CASZ1: variants seen among roughly 807,000 people sequenced by gnomAD.
The protein encoded by CASZ1 is castor zinc finger 1, also known as zinc finger protein castor homolog 1.
A neutral mutation model predicts 135.2 loss-of-function variants in CASZ1; 28 were observed. The observed-to-expected ratio is 0.21, with a 90% CI of 0.15 to 0.28. The LOEUF is 0.28. CASZ1 is among the 10% of genes least tolerant of loss of function. The pLI is 1.00. For missense variants in CASZ1, 2,161 were observed against 2,453.3 expected (o/e 0.88, Z 2.52); for synonymous variants, 1,068 against 1,073.4 (o/e 0.99, Z 0.10).
Position 10,717,965 on chromosome 1 carries a change from C to T in CASZ1, c.-76-12421G>A, listed in dbSNP as rs1254911938. Among the ~76,000 whole-genome samples, 6 of 152,248 alleles carry T rather than the reference C, an allele frequency of 3.9e-5. No individual in the cohort carries two copies. The highest frequency in any genetic ancestry group is 7.3e-5 in the Non-Finnish European group (5 of 68,046). On this transcript the variant is annotated intron_variant, in intron 2 of 20. Coordinates refer to ENST00000377022, the MANE Select transcript of CASZ1 (RefSeq NM_001079843.3). The surrounding 1 kb of genome is among the most constrained non-coding windows in gnomAD (Gnocchi z 4.6). ...TCAGCGACCAAAGCGGGTGCAGGGA[C>T]GGGCCGAGGGGGCTACGGAGGCCCA...
chr1:10,655,983 C>T (rs751431186), intron 8 of CASZ1, among the ~76,000 whole-genome samples, 170 bp from the exon 9 acceptor site: 13 of 152,284 alleles, frequency 8.5e-5, no homozygotes, highest in Middle Eastern at 6.8e-3. Context: ...GCACATCAGC[C>T]CTTGGAGGGA....
In CASZ1 at chr1:10,660,296, C is replaced by T; in HGVS notation, c.746G>A (p.Gly249Asp). The T allele has an allele frequency of 6.2e-7, 1 of 1,614,108 alleles. No homozygotes were observed. Among genetic ancestry groups the T allele is most frequent in the Admixed American group, 1.7e-5 (1 of 60,030 alleles). The change falls in exon 6 of 21, where the codon GGC (glycine) becomes GAC (aspartate). Residue 249 changes from glycine to aspartate, a missense_variant. By Grantham distance (94) the Gly-to-Asp change is moderately conservative (BLOSUM62 -1). Coordinates refer to ENST00000377022, the MANE Select transcript of CASZ1 (RefSeq NM_001079843.3). The part of the protein sequence containing the change: ...YEEYIRKLKA[G>D]EQLSWPAPST... ...GGGGGCCGGCCAGGAGAGCTGCTCG[C>T]CAGCCTTGAGCTTGCGGATGTACTC...
At chr1:10,745,190 CT>C (rs1452748976) in intron 2 of CASZ1, among the ~76,000 whole-genome samples, 1 of 152,146 alleles carries the variant, frequency 6.6e-6, no homozygotes, top group East Asian at 1.9e-4. Flanking sequence ...ACCAAATTTT[CT>C]TTGTCCTTTT....
intron 3 of CASZ1, among the ~76,000 whole-genome samples, chr1:10,695,717 T>A (rs921244514): frequency 6.6e-6 from 1 of 152,098 alleles, no homozygotes; most frequent in Non-Finnish European, 1.5e-5. Flanking sequence ...GAAGGCAGTT[T>A]GAGGGTTCTC....
At chr1:10,737,360 A>G (rs1639820209) in intron 2 of CASZ1, among the ~76,000 whole-genome samples, 1 of 131,810 alleles carries the variant, frequency 7.6e-6, no homozygotes. Flanking sequence ...GGCTGCCGTC[A>G]GCCTGGAGGG....
intron 9 of CASZ1, among the ~76,000 whole-genome samples, chr1:10,655,001 T>A (rs1006062289): frequency 6.6e-6 from 1 of 152,192 alleles, no homozygotes; most frequent in Non-Finnish European, 1.5e-5. Flanking sequence ...ATTTGCTTAG[T>A]GGACAGTCCC....
chr1:10,754,939 A>G (rs1434636518), intron 2 of CASZ1, among the ~76,000 whole-genome samples: 5 of 152,232 alleles, frequency 3.3e-5, no homozygotes, highest in African/African-American at 1.2e-4. Context: ...GTTTAATTAC[A>G]CCTTTCCTCC....
chr1:10,650,799 C>T (rs766699768), intron 12 of CASZ1, 44 bp from the exon 13 acceptor site: 3 of 1,604,482 alleles, frequency 1.9e-6, no homozygotes, highest in Middle Eastern at 1.7e-4. Context: ...ACGGCCGGGG[C>T]CTGGGCCCTG....
Position 10,647,764 on chromosome 1 carries a change from G to T in CASZ1, c.3497+37C>A. 2 of 1,611,468 alleles carry T rather than the reference G, an allele frequency of 1.2e-6. No individual in the cohort carries two copies. The highest frequency in any genetic ancestry group is 2.2e-5 in the South Asian group (2 of 91,030). On this transcript the variant is annotated intron_variant, in intron 16 of 20. Transcript: ENST00000377022. This position sits in a 1 kb window ranked among gnomAD's most constrained non-coding sequence, Gnocchi z 4.9. ...GCTAGCACCTACTCCCGAGACGCGA[G>T]GGGAACGCGGGACTCCCGGCTCATC...
chr1:10,650,794 C>CG (rs1557466117), intron 12 of CASZ1, 39 bp from the exon 13 acceptor site: 2 of 1,609,398 alleles, frequency 1.2e-6, no homozygotes, highest in African/African-American at 1.3e-5. Flanking sequence ...CTCAGACGGC[C>CG]GGGGCCTGGG....
intron 2 of CASZ1, among the ~76,000 whole-genome samples, chr1:10,723,159 C>T (rs548683249): frequency 5.8e-4 from 88 of 152,274 alleles, no homozygotes; most frequent in African/African-American, 2.0e-3. Context: ...GTAAACCGGA[C>T]GTGGGAAGGC....
At chr1:10,642,798 A>C in intron 20 of CASZ1, 61 bp downstream of exon 20, 3 of 1,577,206 alleles carry the variant, frequency 1.9e-6, no homozygotes, top group Non-Finnish European at 2.6e-6. Context: ...AGCTGCACCC[A>C]GCGGTGCTGG....
intron 3 of CASZ1, among the ~76,000 whole-genome samples, chr1:10,698,215 T>C (rs1165134559): frequency 6.6e-6 from 1 of 152,220 alleles, no homozygotes; most frequent in Non-Finnish European, 1.5e-5. Flanking sequence ...TAGCCAGCAA[T>C]CTCCATTCCG....
At chr1:10,742,903 T>C (rs1639951268) in intron 2 of CASZ1, among the ~76,000 whole-genome samples, 1 of 151,924 alleles carries the variant, frequency 6.6e-6, no homozygotes, top group Non-Finnish European at 1.5e-5. Flanking sequence ...GAGAATTGCT[T>C]GAACCCGGGA....
In CASZ1 at chr1:10,636,793, T is replaced by C. The variant is rs1642008520; in HGVS notation, c.*2149A>G. The C allele has an allele frequency of 6.6e-6, 1 of 152,376 alleles. No individual in the cohort carries two copies. Among genetic ancestry groups the C allele is most frequent in the African/African-American group, 2.4e-5 (1 of 41,430 alleles). The allele number at this position is 152,376 out of a possible 1,614,324, so 9.4% of individuals were successfully genotyped here. A position where few individuals can be genotyped will look rare whatever the true frequency, so the allele number is the denominator to read the frequency against. ...ATTCAAGTAATCAGAGCACACGCTG[T>C]TCAGCTCGGGTTTCACGTTCTGTAT... is the stretch of plus-strand genomic sequence containing the variant. On this transcript the variant is annotated 3_prime_UTR_variant, in exon 21 of 21. Transcript: ENST00000377022.
At chr1:10,745,062 T>G (rs1334640460) in intron 2 of CASZ1, among the ~76,000 whole-genome samples, 2 of 152,128 alleles carry the variant, frequency 1.3e-5, no homozygotes, top group Non-Finnish European at 2.9e-5. Flanking sequence ...ACCTGGATAT[T>G]TTTGGCAGGT....
At chr1:10,649,612 G>A (rs1052738521) in intron 13 of CASZ1, 175 bp from the exon 14 acceptor site, 7 of 716,118 alleles carry the variant, frequency 9.8e-6, no homozygotes, top group Non-Finnish European at 9.0e-6. Context: ...TCTGAACAGA[G>A]AGCCTGCTGT....
In CASZ1 at chr1:10,655,853, C is replaced by T. The variant is rs115246851; in HGVS notation, c.1501-40G>A. ...CGCCACGTGGGCAGGAGCCTGAGCT[C>T]CCCCTCCGCCCTTCCTCCCATATGC... On this transcript the variant is annotated intron_variant, in intron 8 of 20. Coordinates refer to ENST00000377022, the MANE Select transcript of CASZ1 (RefSeq NM_001079843.3). 2,986 of 1,599,976 alleles carry T rather than the reference C, an allele frequency of 1.9e-3. 55 individuals are homozygous for T. In the African/African-American group the frequency reaches 0.035, roughly 19 times the overall value.
intron 1 of CASZ1, among the ~76,000 whole-genome samples, chr1:10,779,381 G>A (rs1238250353): frequency 1.4e-5 from 2 of 146,868 alleles, no homozygotes; most frequent in Admixed American, 7.0e-5. Flanking sequence ...TCACCGATAC[G>A]CCTCAGCTTC....
Sources: gnomAD v4.1 joint callset for allele counts (sites outside exome capture counted in the v4.1 genomes callset) on GRCh38, gnomAD v4.1.1 for gene constraint, Gnocchi (gnomAD v3.1) non-coding constraint, MANE v1.5 for transcripts, NCBI Gene and HGNC (gene_info 2026-07-23, HGNC 2026-07-21) for gene names.